CLIC5: variants seen among roughly 807,000 people sequenced by gnomAD.
CLIC5 encodes the protein CLIC family member 5, also known as chloride intracellular channel protein 5.
Under a neutral mutation model 24.7 loss-of-function variants are expected in CLIC5, and 20 were observed. The ratio of observed to expected loss-of-function variants is 0.81; its 90% CI spans 0.57 to 1.18. The LOEUF (loss-of-function observed/expected upper bound fraction) is 1.18, where lower values mean the gene tolerates loss of function less well. CLIC5 is among the 50% of genes most tolerant of loss of function. The pLI, the probability that CLIC5 is intolerant of heterozygous loss-of-function variation, is 0.00. For missense variants in CLIC5, 341 were observed against 326.1 expected, an observed-to-expected ratio of 1.05 and a Z score of -0.35; for synonymous variants, 159 against 135.6, an observed-to-expected ratio of 1.17 and a Z score of -1.20.
chr6:45,936,899 A>G (rs1403793955), intron 4 of CLIC5, among the ~76,000 whole-genome samples: 2 of 152,116 alleles, frequency 1.3e-5, no homozygotes, highest in Non-Finnish European at 2.9e-5. Context: ...TCCAGTCTAC[A>G]TTTAAGTGAA....
chr6:46,087,998 CT>C, the CLIC5 span, among the ~76,000 whole-genome samples: 3 of 152,226 alleles, frequency 2.0e-5, no homozygotes, highest in Middle Eastern at 3.4e-3. Flanking sequence ...ACCCCAGGTT[CT>C]TTTTAATTAT....
At chr6:45,946,809 G>T (rs1041531888) in intron 3 of CLIC5, among the ~76,000 whole-genome samples, 1 of 152,196 alleles carries the variant, frequency 6.6e-6, no homozygotes, top group Non-Finnish European at 1.5e-5. Context: ...TATAATCCTG[G>T]GATGCTCTGG....
At chr6:46,073,007 A>T (rs184098790) in intron 1 of CLIC5, among the ~76,000 whole-genome samples, 1 of 152,342 alleles carries the variant, frequency 6.6e-6, no homozygotes, top group East Asian at 1.9e-4. Context: ...GGACAGCCCA[A>T]TGTACTAGCT....
intron 1 of CLIC5, among the ~76,000 whole-genome samples, chr6:45,985,753 T>C (rs534907579): frequency 1.3e-5 from 2 of 152,286 alleles, no homozygotes; most frequent in South Asian, 4.1e-4. Context: ...CTCCTTCCAG[T>C]GACTCTTTTT....
chr6:46,015,598 C>T lies in CLIC5; in HGVS notation c.-56G>A. The T allele has an allele frequency of 3.3e-6, 5 of 1,525,844 alleles. No individual in the cohort carries two copies. Among genetic ancestry groups the T allele is most frequent in the Non-Finnish European group, 4.4e-6 (5 of 1,135,746 alleles). The allele number at this position is 1,525,844 out of a possible 1,614,324, so 94.5% of individuals were successfully genotyped here. ...CCGGGGAGGCGCCACCTCTGCAGCA[C>T]CTGGGCCAGCACTCTGCGCTCCTGC... On this transcript the variant is annotated 5_prime_UTR_variant, in exon 1 of 6. In the 5' UTR this introduces an upstream ATG that the reference lacks. Coordinates refer to ENST00000339561, the MANE Select transcript of CLIC5 (RefSeq NM_016929.5).
At position 46,028,420 on chromosome 6, in the gene CLIC5, T is replaced by C. The variant is rs74690101; in HGVS notation, c.540+51283A>G. On this transcript the variant is annotated intron_variant, in intron 1 of 5. Coordinates refer to the CLIC5 transcript ENST00000185206. ...CTGCAGTGAATAAAAAATAAGGGGG[T>C]CCTGTCTGAACAATGAACAGTACTG... Among the ~76,000 whole-genome samples the C allele has an allele frequency of 9.4e-3, 1,432 of 152,154 alleles. 23 individuals are homozygous for C. The highest frequency in any genetic ancestry group is 0.032 in the African/African-American group (1,337 of 41,486).
At chr6:45,913,265 C>G (rs1762886153) in intron 5 of CLIC5, among the ~76,000 whole-genome samples, 1 of 152,140 alleles carries the variant, frequency 6.6e-6, no homozygotes, top group Non-Finnish European at 1.5e-5. Flanking sequence ...TAAAATAGAG[C>G]ACAGTATGGC....
chr6:45,910,989 A>C, intron 5 of CLIC5, among the ~76,000 whole-genome samples: 1 of 152,222 alleles, frequency 6.6e-6, no homozygotes, highest in Non-Finnish European at 1.5e-5. Flanking sequence ...CAGAGAGGCC[A>C]GCACATAGCA....
chr6:45,883,191 G>A (rs1387818368), intron 6 of CLIC5, among the ~76,000 whole-genome samples: 1 of 152,164 alleles, frequency 6.6e-6, no homozygotes, highest in African/African-American at 2.4e-5. Context: ...AGTGGGGGTG[G>A]GGTGGAGCAT....
intron 1 of CLIC5, among the ~76,000 whole-genome samples, chr6:46,046,297 A>G (rs1374077357): frequency 6.6e-6 from 1 of 152,180 alleles, no homozygotes; most frequent in Non-Finnish European, 1.5e-5. Flanking sequence ...CTGCCATCTT[A>G]TCTGCCTCAC....
intron 1 of CLIC5, among the ~76,000 whole-genome samples, chr6:46,025,830 T>C (rs779427651): frequency 8.5e-5 from 13 of 152,158 alleles, no homozygotes; most frequent in Non-Finnish European, 1.9e-4. Context: ...GATAGTGAGT[T>C]CCCATGAGAT....
intron 1 of CLIC5, among the ~76,000 whole-genome samples, chr6:46,070,697 T>C (rs990262252): frequency 6.6e-6 from 1 of 151,964 alleles, no homozygotes; most frequent in Non-Finnish European, 1.5e-5. Flanking sequence ...ACCAGTGACA[T>C]TCTACACAGA....
chr6:45,959,087 C>T (rs1437302855), intron 1 of CLIC5, among the ~76,000 whole-genome samples: 1 of 152,204 alleles, frequency 6.6e-6, no homozygotes, highest in Non-Finnish European at 1.5e-5. Context: ...ATGTGAATGA[C>T]CTTAGATAAG....
At position 45,990,724 on chromosome 6, in the gene CLIC5, G is replaced by A. The variant is rs73738326; in HGVS notation, c.63+24756C>T. The stretch of plus-strand genomic sequence containing the variant: ...TAGGAAGATTAAACAAAGTTGGTGA[G>A]CATCCAGAAAGGTCAAAATAAAACT... On this transcript the variant is annotated intron_variant, in intron 1 of 5. Coordinates refer to ENST00000339561, the MANE Select transcript of CLIC5 (RefSeq NM_016929.5). 7.4e-3 allele frequency among the ~76,000 whole-genome samples: 1,133 copies of A among 152,334 alleles called. 14 individuals are homozygous for A. The highest frequency in any genetic ancestry group is 0.026 in the African/African-American group (1,085 of 41,572).
chr6:46,020,135 T>A (rs956180903), upstream of CLIC5, among the ~76,000 whole-genome samples: 1 of 152,188 alleles, frequency 6.6e-6, no homozygotes. Context: ...TACACTATTG[T>A]CAGATATATA....
chr6:45,899,222 C>T lies in CLIC5; in HGVS notation c.*3866G>A, dbSNP rs1219390663. On this transcript the variant is annotated 3_prime_UTR_variant, in exon 6 of 6. Coordinates refer to ENST00000339561, the MANE Select transcript of CLIC5 (RefSeq NM_016929.5). ...GCTTAAGTTTTCCTAACATCAGAAT[C>T]AGGGTGCTTCACATGCACATGTCTT... 6.6e-6 allele frequency: 1 copy of T among 152,204 alleles called. No individual in the cohort carries two copies. Among genetic ancestry groups the T allele is most frequent in the Non-Finnish European group, 1.5e-5 (1 of 68,044 alleles). The allele number at this position is 152,204 out of a possible 1,614,324, so 9.4% of individuals were successfully genotyped here.
chr6:45,904,817 TG>T (rs1762612459), intron 5 of CLIC5, among the ~76,000 whole-genome samples: 1 of 150,488 alleles, frequency 6.6e-6, no homozygotes, highest in African/African-American at 2.5e-5. Flanking sequence ...TGCTGAGGTT[TG>T]GGGTATGATT....
chr6:45,891,378 C>A (rs114350636), intron 6 of CLIC5, among the ~76,000 whole-genome samples: 2 of 152,116 alleles, frequency 1.3e-5, no homozygotes, highest in Admixed American at 6.6e-5. Context: ...TGGCTCACCC[C>A]GGTAATTCCA....
chr6:46,048,361 A>G (rs184860321), intron 1 of CLIC5, among the ~76,000 whole-genome samples: 27 of 152,292 alleles, frequency 1.8e-4, no homozygotes, highest in Non-Finnish European at 4.0e-4. Flanking sequence ...GCTCCTTAAA[A>G]GCATGAACTT....
Sources: gnomAD v4.1 joint callset for allele counts (sites outside exome capture counted in the v4.1 genomes callset) on GRCh38, gnomAD v4.1.1 for gene constraint, MANE v1.5 for transcripts, NCBI Gene and HGNC (gene_info 2026-07-23, HGNC 2026-07-21) for gene names.